The following LHFPL3 variants were observed in gnomAD, a reference collection of about 807,000 sequenced individuals.
LHFPL3 encodes LHFPL tetraspan subfamily member 3 protein.
LHFPL3 carries 5 observed loss-of-function variants against 19.3 expected under a neutral mutation model. The ratio of observed to expected loss-of-function variants is 0.26; its 90% CI spans 0.14 to 0.54. The LOEUF (loss-of-function observed/expected upper bound fraction) is 0.54, where lower values mean the gene tolerates loss of function less well. LHFPL3 is among the 20% of genes least tolerant of loss of function. LHFPL3 has a pLI of 0.94. For missense variants in LHFPL3, 249 were observed against 307.4 expected, an observed-to-expected ratio of 0.81 and a Z score of 1.42; for synonymous variants, 133 against 126.2, an observed-to-expected ratio of 1.05 and a Z score of -0.36.
intron 1 of LHFPL3, among the ~76,000 whole-genome samples, chr7:104,363,819 AG>A (rs1204796325): frequency 1.3e-5 from 2 of 152,210 alleles, no homozygotes; most frequent in Non-Finnish European, 2.9e-5. Flanking sequence ...TTATTGGAAA[AG>A]CAGGAAGGAT....
At chr7:104,663,353 C>G (rs1266019689) in intron 1 of LHFPL3, among the ~76,000 whole-genome samples, 1 of 152,198 alleles carries the variant, frequency 6.6e-6, no homozygotes, top group Non-Finnish European at 1.5e-5. Context: ...TCCTCAACAT[C>G]TTTGTGCAGC....
intron 2 of LHFPL3, among the ~76,000 whole-genome samples, chr7:104,853,076 G>T (rs1791441267): frequency 6.6e-6 from 1 of 152,242 alleles, no homozygotes; most frequent in Non-Finnish European, 1.5e-5. Flanking sequence ...GTCTGTCCCT[G>T]CCCAGGACTG....
chr7:104,552,981 A>G (rs1475482309), intron 1 of LHFPL3, among the ~76,000 whole-genome samples: 1 of 152,204 alleles, frequency 6.6e-6, no homozygotes, highest in Non-Finnish European at 1.5e-5. Flanking sequence ...GGAGTGGTAC[A>G]TATTTTATAG....
intron 1 of LHFPL3, among the ~76,000 whole-genome samples, chr7:104,477,282 C>T (rs771481492): frequency 4.6e-5 from 7 of 152,164 alleles, no homozygotes; most frequent in Non-Finnish European, 1.0e-4. Context: ...TGAGCCAGTG[C>T]GCCCAGCCCA....
At chr7:104,674,372 C>CTTTTTTTTTTTTTTTTTTTTTTTTTTTT (rs531335106) in intron 1 of LHFPL3, among the ~76,000 whole-genome samples, 1 of 134,706 alleles carries the variant, frequency 7.4e-6, no homozygotes. Context: ...TTTTCTTTTT[C>CTTTTTTTTTTTTTTTTTTTTTTTTTTTT]TTTTTTTTTT....
chr7:104,902,407 G>C (rs1217398210), intron 2 of LHFPL3, among the ~76,000 whole-genome samples: 1 of 151,722 alleles, frequency 6.6e-6, no homozygotes, highest in Non-Finnish European at 1.5e-5. Context: ...GGAGGAAGAG[G>C]AGGAGGGAGA....
At chr7:104,491,131 C>G (rs1347041479) in intron 1 of LHFPL3, among the ~76,000 whole-genome samples, 15 of 142,450 alleles carry the variant, frequency 1.1e-4, no homozygotes, top group Admixed American at 7.1e-4. Context: ...TGGAAGACAA[C>G]TTAGGGTTGA....
chr7:104,345,718 AT>A (rs1289124182), intron 1 of LHFPL3, among the ~76,000 whole-genome samples: 1 of 151,998 alleles, frequency 6.6e-6, no homozygotes, highest in Non-Finnish European at 1.5e-5. Flanking sequence ...CTTTATATTC[AT>A]TTTTTTCTGA....
chr7:104,635,496 A>G (rs1791714231), intron 1 of LHFPL3, among the ~76,000 whole-genome samples: 1 of 152,222 alleles, frequency 6.6e-6, no homozygotes, highest in East Asian at 1.9e-4. Context: ...CAACAGAAAC[A>G]TTAAAATCTG....
In LHFPL3 at chr7:104,899,947, G is replaced by A. The variant is rs35756879; in HGVS notation, c.683-6240G>A. Among the ~76,000 whole-genome samples, 6,087 of 152,200 alleles carry A rather than the reference G, an allele frequency of 0.04. 636 individuals carry two copies. The East Asian group carries it at 0.44, about 11-fold the overall frequency. The stretch of plus-strand genomic sequence containing the variant: ...GGGTTTTACCATGTTGGACACGCTG[G>A]TTTCGAACTCCTGACCTCAGGTGAT... On this transcript the variant is annotated intron_variant, in intron 2 of 2. Transcript: ENST00000424859.
chr7:104,386,714 C>CTT (rs1790951402), intron 1 of LHFPL3, among the ~76,000 whole-genome samples: 1 of 152,192 alleles, frequency 6.6e-6, no homozygotes, highest in South Asian at 2.1e-4. Flanking sequence ...GAATGGGAGA[C>CTT]TGTTGATTCA....
Position 104,578,651 on chromosome 7 carries a change from C to T in LHFPL3, c.446-158024C>T, listed in dbSNP as rs573030593. On this transcript the variant is annotated intron_variant, in intron 1 of 2. Coordinates refer to ENST00000424859, the MANE Select transcript of LHFPL3 (RefSeq NM_199000.3). Reference sequence around the variant, plus strand: ...TGTCCAGTCCTGAGCACTGATGGAGCCTGCCCACCTGTGCACCCACCCTAC... The same window carrying T: ...TGTCCAGTCCTGAGCACTGATGGAGTCTGCCCACCTGTGCACCCACCCTAC... Among the ~76,000 whole-genome samples the T allele has an allele frequency of 1.6e-4, 25 of 152,296 alleles. 1 individual carries two copies. The South Asian group carries it at 4.6e-3, about 28-fold the overall frequency.
At chr7:104,381,792 T>A (rs563949426) in intron 1 of LHFPL3, among the ~76,000 whole-genome samples, 1 of 152,216 alleles carries the variant, frequency 6.6e-6, no homozygotes, top group Non-Finnish European at 1.5e-5. Context: ...TAGTGGTAAG[T>A]TGATTTTGAC....
chr7:104,660,613 AT>A (rs1257220535), intron 1 of LHFPL3, among the ~76,000 whole-genome samples: 5 of 152,164 alleles, frequency 3.3e-5, no homozygotes, highest in African/African-American at 9.7e-5. Flanking sequence ...TGAGCTTTCT[AT>A]TTACCTTCTA....
At chr7:104,469,933 T>C in intron 1 of LHFPL3, 2 of 453,532 alleles carry the variant, frequency 4.4e-6, no homozygotes, top group South Asian at 1.6e-5. Flanking sequence ...TGAGCACAGT[T>C]ATAGCACAAT....
At chr7:104,701,870 A>T (rs913010561) in intron 1 of LHFPL3, among the ~76,000 whole-genome samples, 6 of 19,390 alleles carry the variant, frequency 3.1e-4, no homozygotes, top group Non-Finnish European at 6.3e-4. Context: ...ATTCTTTTTT[A>T]AAAAAATTTA....
rs1231403479 is a variant in LHFPL3, at chr7:104,736,739, G to A, written c.510G>A (p.Arg170=). Residue 170 remains arginine, a synonymous_variant, in exon 2 of 3, where the codon CGG becomes CGA. Transcript: ENST00000424859. ...GCTGGGACTCAGATGAAGTAAAACG[G>A]ATGTGTGGAGAAAAGACAGACAAGT... ...PDGWDSDEVK[R]MCGEKTDKYT... 6.2e-7 allele frequency: 1 copy of A among 1,613,720 alleles called. No homozygotes were observed. Among genetic ancestry groups the A allele is most frequent in the South Asian group, 1.1e-5 (1 of 90,986 alleles).
intron 1 of LHFPL3, among the ~76,000 whole-genome samples, chr7:104,416,973 A>T (rs543538256): frequency 6.6e-6 from 1 of 152,340 alleles, no homozygotes; most frequent in South Asian, 2.1e-4. Context: ...TAACAGCGTT[A>T]ATCAATTCAT....
chr7:104,701,328 C>T (rs2116175209), intron 1 of LHFPL3, among the ~76,000 whole-genome samples: 1 of 152,188 alleles, frequency 6.6e-6, no homozygotes, highest in South Asian at 2.1e-4. Flanking sequence ...TCTCCCCACG[C>T]AGTCAAAAAT....
Sources: gnomAD v4.1 joint callset for allele counts (sites outside exome capture counted in the v4.1 genomes callset) on GRCh38, gnomAD v4.1.1 for gene constraint, MANE v1.5 for transcripts, NCBI Gene and HGNC (gene_info 2026-07-23, HGNC 2026-07-21) for gene names.